APH1B: variants seen among roughly 807,000 people sequenced by gnomAD.
APH1B encodes the protein gamma-secretase subunit APH-1B.
APH1B carries 27 observed loss-of-function variants against 28.2 expected under a neutral mutation model. The observed-to-expected ratio is 0.96, with a 90% CI of 0.70 to 1.32. The LOEUF is 1.32. Among genes scored for constraint, APH1B ranks in the 40% most tolerant of loss-of-function variants. The probability of loss-of-function intolerance (pLI) is 0.00; values close to 1 mark genes in which losing one functional copy is unlikely to be tolerated. For missense variants in APH1B, 305 were observed against 313.6 expected (o/e 0.97, Z 0.21); for synonymous variants, 141 against 124.6 (o/e 1.13, Z -0.88).
intron 5 of APH1B, among the ~76,000 whole-genome samples, chr15:63,303,703 G>C (rs181854838): frequency 1.3e-5 from 2 of 151,952 alleles, no homozygotes; most frequent in Non-Finnish European, 2.9e-5. Context: ...ATGTTGCTCC[G>C]GCTGGCTTCG....
chr15:63,299,533 C>T (rs1325146596), intron 4 of APH1B, among the ~76,000 whole-genome samples: 1 of 151,952 alleles, frequency 6.6e-6, no homozygotes, highest in African/African-American at 2.4e-5. Flanking sequence ...GCCTCCCGAG[C>T]AGCTGGGACT....
rs775567169 is a variant in APH1B, at chr15:63,277,735, G to C, written c.112G>C (p.Gly38Arg). ...EPLRIIFLIA[G>R]AFFWLVSLLI... ...GTTGCGTATCATCTTCCTCATCGCC[G>C]GGTGAGGCGGTCGCGTCGGGAAACC... Residue 38 changes from glycine (G) to arginine (R), a missense_variant and splice_region_variant, in exon 1 of 6, where the codon GGA becomes CGA. Coordinates refer to ENST00000261879, the MANE Select transcript of APH1B (RefSeq NM_031301.4). 6.2e-7 allele frequency: 1 copy of C among 1,607,994 alleles called. No homozygotes were observed. The highest frequency in any genetic ancestry group is 8.5e-7 in the Non-Finnish European group (1 of 1,177,194).
rs2038705439 is a variant in APH1B at position 63,308,077 on chromosome 15, A to G, written c.*2296A>G. The G allele has an allele frequency of 6.6e-6, 1 of 152,064 alleles. No individual in the cohort carries two copies. Among genetic ancestry groups the G allele is most frequent in the Non-Finnish European group, 1.5e-5 (1 of 68,012 alleles). The allele number at this position is 152,064 out of a possible 1,614,324, so 9.4% of individuals were successfully genotyped here. The stretch of plus-strand genomic sequence containing the variant: ...CTAGTCTTCCTCTGTTGCTGTACAT[A>G]TATTGAAATGCTTTTTTTTTTTTAT... On this transcript the variant is annotated 3_prime_UTR_variant, in exon 6 of 6. Coordinates refer to ENST00000261879, the MANE Select transcript of APH1B (RefSeq NM_031301.4).
intron 5 of APH1B, among the ~76,000 whole-genome samples, chr15:63,303,682 A>G (rs1178262159): frequency 1.3e-5 from 2 of 152,016 alleles, no homozygotes; most frequent in African/African-American, 2.4e-5. Context: ...TTTTTTGTAG[A>G]GATGAGCTCT....
chr15:63,304,712 C>T lies in APH1B; in HGVS notation c.607-902C>T, dbSNP rs979433032. Among the ~76,000 whole-genome samples, 2 of 152,044 alleles carry T rather than the reference C, an allele frequency of 1.3e-5. No individual in the cohort carries two copies. The highest frequency in any genetic ancestry group is 2.9e-5 in the Non-Finnish European group (2 of 68,008). On this transcript the variant is annotated intron_variant, in intron 5 of 5. Coordinates refer to ENST00000261879, the MANE Select transcript of APH1B (RefSeq NM_031301.4). The surrounding 1 kb of genome is among the most constrained non-coding windows in gnomAD (Gnocchi z 5.1). ...ATTTTTGGGTTGTAATTTTCTACAACAATCATGTATTGCTTTTGTAATTGT... is the reference window on the plus strand; with the variant it reads ...ATTTTTGGGTTGTAATTTTCTACAATAATCATGTATTGCTTTTGTAATTGT...
At chr15:63,277,830 C>G (rs1339692859) in intron 1 of APH1B, 94 bp downstream of exon 1, 1 of 1,241,858 alleles carries the variant, frequency 8.1e-7, no homozygotes, top group African/African-American at 1.5e-5. Flanking sequence ...CGCGGCTCGA[C>G]CTTGTTGCGT....
intron 4 of APH1B, among the ~76,000 whole-genome samples, chr15:63,289,827 A>G (rs1415546013): frequency 1.3e-5 from 2 of 152,160 alleles, no homozygotes; most frequent in East Asian, 3.9e-4. Context: ...ATATAGTGAG[A>G]CCTTGTCTCT....
chr15:63,308,155 A>G lies in APH1B; in HGVS notation c.*2374A>G, dbSNP rs547461905. ...TCTGAGCCCTGATATTATGTGAGACAAACAGGAGTTATTGATGTTATACAC... is the reference window on the plus strand; with the variant it reads ...TCTGAGCCCTGATATTATGTGAGACGAACAGGAGTTATTGATGTTATACAC... On this transcript the variant is annotated 3_prime_UTR_variant, in exon 6 of 6. Transcript: ENST00000261879. 6.6e-6 allele frequency: 1 copy of G among 152,280 alleles called. No homozygotes were observed. Among genetic ancestry groups the G allele is most frequent in the Admixed American group, 6.5e-5 (1 of 15,298 alleles). 9.4% of individuals were successfully genotyped at this position (152,280 alleles called of 1,614,324 possible).
At chr15:63,303,782 C>A (rs7163519) in intron 5 of APH1B, among the ~76,000 whole-genome samples, 114,045 of 151,896 alleles carry the variant, frequency 0.75, 43,688 homozygotes, top group Non-Finnish European at 0.82. Context: ...CATGAGCCAC[C>A]ACCCCTGGCT....
chr15:63,290,280 T>G (rs1431989667), intron 4 of APH1B, among the ~76,000 whole-genome samples: 5 of 152,192 alleles, frequency 3.3e-5, no homozygotes, highest in Admixed American at 1.3e-4. Context: ...TCTTTTTTAT[T>G]TGTGGTTATG....
In APH1B at chr15:63,305,807, C is replaced by G; in HGVS notation, c.*26C>G. The G allele has an allele frequency of 6.3e-7, 1 of 1,599,536 alleles. No homozygotes were observed. Among genetic ancestry groups the G allele is most frequent in the Non-Finnish European group, 8.5e-7 (1 of 1,175,476 alleles). ...CCTCAGGGAACCAGCACTTCCCAAA[C>G]CGCAGACTACATCTTTAGAGGAAGC... On this transcript the variant is annotated 3_prime_UTR_variant, in exon 6 of 6. Coordinates refer to ENST00000261879, the MANE Select transcript of APH1B (RefSeq NM_031301.4).
At chr15:63,279,621 C>T (rs75763893) in intron 2 of APH1B, among the ~76,000 whole-genome samples, 13,229 of 152,090 alleles carry the variant, frequency 0.087, 799 homozygotes, top group Non-Finnish European at 0.13. Context: ...TCTCTGGCTT[C>T]ATGGAGCTTA....
At position 63,305,900 on chromosome 15, in the gene APH1B, T is replaced by TA. The variant is rs1241726774; in HGVS notation, c.*120dup. On this transcript the variant is annotated 3_prime_UTR_variant, in exon 6 of 6. Coordinates refer to ENST00000261879, the MANE Select transcript of APH1B (RefSeq NM_031301.4). The stretch of plus-strand genomic sequence containing the variant: ...TGAGAAAGAAATAAAACTATGCAGA[T>TA]ATGCGTTCCATTCACTTGGCTTTCA... 5 of 1,315,284 alleles carry TA rather than the reference T, an allele frequency of 3.8e-6. No homozygotes were observed. The highest frequency in any genetic ancestry group is 5.1e-6 in the Non-Finnish European group (5 of 978,664). The allele number at this position is 1,315,284 out of a possible 1,614,324, so 81.5% of individuals were successfully genotyped here.
Position 63,288,086 on chromosome 15 carries a change from G to A in APH1B, c.478+540G>A, listed in dbSNP as rs193023363. Among the ~76,000 whole-genome samples the A allele has an allele frequency of 9.7e-4, 148 of 152,252 alleles. 1 individual carries two copies. The highest frequency in any genetic ancestry group is 1.6e-3 in the Non-Finnish European group (110 of 68,020). On this transcript the variant is annotated intron_variant, in intron 4 of 5. Transcript: ENST00000261879. ...GATCACAAATTTGAGAGTTGGTAGC[G>A]TACATAATTAACATAGATTTCTTCT...
chr15:63,300,756 C>T (rs2038618167), intron 4 of APH1B, among the ~76,000 whole-genome samples: 2 of 152,344 alleles, frequency 1.3e-5, no homozygotes, highest in African/African-American at 4.8e-5. Flanking sequence ...TCTTTCATCA[C>T]AACAGTTACG....
chr15:63,296,975 G>GT, intron 4 of APH1B, among the ~76,000 whole-genome samples: 1 of 152,154 alleles, frequency 6.6e-6, no homozygotes, highest in South Asian at 2.1e-4. Flanking sequence ...ACACTGAAAC[G>GT]TTTTGCTTAG....
chr15:63,292,683 G>A lies in APH1B; in HGVS notation c.478+5137G>A, dbSNP rs1239207542. Among the ~76,000 whole-genome samples the A allele has an allele frequency of 2.0e-5, 3 of 152,116 alleles. No individual in the cohort carries two copies. In the East Asian group the frequency reaches 5.8e-4, roughly 29 times the overall value. On this transcript the variant is annotated intron_variant, in intron 4 of 5. Coordinates refer to ENST00000261879, the MANE Select transcript of APH1B (RefSeq NM_031301.4). ...GGGATTATAGGGTGTGAGCCACCAC[G>A]CCTGGCTTGTTTTCTTTATATCAAT...
In APH1B at chr15:63,308,576, A is replaced by T. The variant is rs2038710665; in HGVS notation, c.*2795A>T. 1 of 152,268 alleles carries T rather than the reference A, an allele frequency of 6.6e-6. No homozygotes were observed. The highest frequency in any genetic ancestry group is 1.9e-4 in the East Asian group (1 of 5,202). 9.4% of individuals were successfully genotyped at this position (152,268 alleles called of 1,614,324 possible). A position where few individuals can be genotyped will look rare whatever the true frequency, so the allele number is the denominator to read the frequency against. On this transcript the variant is annotated 3_prime_UTR_variant, in exon 6 of 6. Coordinates refer to ENST00000261879, the MANE Select transcript of APH1B (RefSeq NM_031301.4). Reference sequence around the variant, plus strand: ...CCAGAAACACTAGGTGTTCATATCCATAGCATGGATGCAGAATAAGCAGTT... The same window carrying T: ...CCAGAAACACTAGGTGTTCATATCCTTAGCATGGATGCAGAATAAGCAGTT...
intron 2 of APH1B, among the ~76,000 whole-genome samples, chr15:63,283,324 G>C (rs941735013): frequency 6.6e-6 from 1 of 152,174 alleles, no homozygotes; most frequent in African/African-American, 2.4e-5. Flanking sequence ...CGCCTCCGGG[G>C]CTCAAGCAAT....
Sources: gnomAD v4.1 joint callset for allele counts (sites outside exome capture counted in the v4.1 genomes callset) on GRCh38, gnomAD v4.1.1 for gene constraint, Gnocchi (gnomAD v3.1) non-coding constraint, MANE v1.5 for transcripts, NCBI Gene and HGNC (gene_info 2026-07-23, HGNC 2026-07-21) for gene names.